GRIA2: variants seen among roughly 807,000 people sequenced by gnomAD.
GRIA2 encodes glutamate ionotropic receptor AMPA type subunit 2.
GRIA2 carries 14 observed loss-of-function variants against 97.3 expected under a neutral mutation model. That is an observed-to-expected ratio of 0.14 (90% CI 0.10 to 0.23). The LOEUF is 0.23. Ranked by LOEUF, GRIA2 falls within the 10% of genes least tolerant of loss-of-function variation. GRIA2 has a pLI of 1.00. For missense variants in GRIA2, 558 were observed against 1,069.8 expected (o/e 0.52, Z 6.67); for synonymous variants, 412 against 387.8 (o/e 1.06, Z -0.73).
intron 2 of GRIA2, among the ~76,000 whole-genome samples, chr4:157,232,253 C>T (rs1257337887): frequency 1.3e-5 from 2 of 152,172 alleles, no homozygotes; most frequent in Non-Finnish European, 2.9e-5. Flanking sequence ...ATAGCTCCCA[C>T]ATTTCTACAG....
At chr4:157,300,912 A>C (rs939118996) in intron 2 of GRIA2, among the ~76,000 whole-genome samples, 2 of 152,086 alleles carry the variant, frequency 1.3e-5, no homozygotes, top group African/African-American at 2.4e-5. Flanking sequence ...AATGAAAGGT[A>C]TGGCTCCTTA....
chr4:157,231,760 T>A (rs1306005222), intron 2 of GRIA2, among the ~76,000 whole-genome samples: 1 of 152,192 alleles, frequency 6.6e-6, no homozygotes. Context: ...GAGAAAAGTT[T>A]GTCTCTTGTT....
chr4:157,269,342 A>T (rs1274418010), intron 2 of GRIA2, among the ~76,000 whole-genome samples: 1 of 152,124 alleles, frequency 6.6e-6, no homozygotes, highest in African/African-American at 2.4e-5. Flanking sequence ...CATAGTTGTT[A>T]ATAAAGTCCT....
At chr4:157,319,665 C>T (rs539243263) in intron 5 of GRIA2, among the ~76,000 whole-genome samples, 1 of 152,276 alleles carries the variant, frequency 6.6e-6, no homozygotes, top group Non-Finnish European at 1.5e-5. Flanking sequence ...GGGCTTTCAT[C>T]TTCCAAACTC....
At chr4:157,255,941 T>C (rs1731221426) in intron 2 of GRIA2, among the ~76,000 whole-genome samples, 1 of 151,026 alleles carries the variant, frequency 6.6e-6, no homozygotes. Flanking sequence ...AAATGCAAAA[T>C]AAAACGTCAA....
intron 2 of GRIA2, among the ~76,000 whole-genome samples, chr4:157,269,266 A>G (rs1731909418): frequency 6.6e-6 from 1 of 152,052 alleles, no homozygotes; most frequent in South Asian, 2.1e-4. Context: ...TTCTTGGAGG[A>G]AAGAGAAAGA....
intron 4 of GRIA2, among the ~76,000 whole-genome samples, chr4:157,314,626 C>T (rs1031841482): frequency 1.3e-5 from 2 of 152,106 alleles, no homozygotes; most frequent in East Asian, 1.9e-4. Context: ...ATTCATGACT[C>T]ATCATAATAA....
At chr4:157,221,627 C>A in intron 1 of GRIA2, 40 bp from the exon 2 acceptor site, 1 of 1,604,970 alleles carries the variant, frequency 6.2e-7, no homozygotes, top group Non-Finnish European at 8.5e-7. Flanking sequence ...CCTCCCGGGG[C>A]ACTGACACTG....
intron 12 of GRIA2, among the ~76,000 whole-genome samples, chr4:157,350,806 T>A (rs192428696): frequency 6.6e-6 from 1 of 152,150 alleles, no homozygotes; most frequent in East Asian, 1.9e-4. Flanking sequence ...TGAAGTTTAC[T>A]GAAAACCTGG....
At chr4:157,322,219 G>C (rs917474259) in intron 6 of GRIA2, among the ~76,000 whole-genome samples, 1 of 147,526 alleles carries the variant, frequency 6.8e-6, no homozygotes, top group Admixed American at 7.0e-5. Flanking sequence ...GAGAAAGAGA[G>C]AGAGTGAGAA....
At chr4:157,258,362 G>A (rs1731374668) in intron 2 of GRIA2, among the ~76,000 whole-genome samples, 1 of 151,960 alleles carries the variant, frequency 6.6e-6, no homozygotes, top group African/African-American at 2.4e-5. Flanking sequence ...GCCACTCTGG[G>A]GACGTCTGTC....
intron 12 of GRIA2, among the ~76,000 whole-genome samples, chr4:157,355,614 T>A (rs1454523952): frequency 2.2e-5 from 3 of 139,224 alleles, no homozygotes; most frequent in Non-Finnish European, 4.6e-5. Context: ...TTATATATAT[T>A]TATTTATATA....
intron 13 of GRIA2, chr4:157,360,760 T>G (rs750850461): frequency 3.5e-6 from 2 of 564,120 alleles, no homozygotes; most frequent in South Asian, 3.1e-5. Context: ...GTGAGTACAT[T>G]GCTGTAGAAT....
chr4:157,364,347 A>G lies in GRIA2; in HGVS notation c.*916A>G, dbSNP rs1736782788. The stretch of plus-strand genomic sequence containing the variant: ...GTTTGGTCATAAATCAAGTGAGTTT[A>G]AAGACACTACCAAGTTGTTAGGTGC... On this transcript the variant is annotated 3_prime_UTR_variant, in exon 16 of 16. Transcript: ENST00000264426. 1 of 152,454 alleles carries G rather than the reference A, an allele frequency of 6.6e-6. No homozygotes were observed. Among genetic ancestry groups the G allele is most frequent in the Non-Finnish European group, 1.5e-5 (1 of 67,958 alleles). The allele number at this position is 152,454 out of a possible 1,614,324, so 9.4% of individuals were successfully genotyped here. A position where few individuals can be genotyped will look rare whatever the true frequency, so the allele number is the denominator to read the frequency against.
At chr4:157,336,347 T>C (rs762237684) in intron 10 of GRIA2, 30 bp from the exon 11 acceptor site, 2 of 1,499,088 alleles carry the variant, frequency 1.3e-6, no homozygotes, top group Non-Finnish European at 1.8e-6. Context: ...TGACTCCAGG[T>C]ACTATTACTT....
At chr4:157,278,292 C>T (rs1164201228) in intron 2 of GRIA2, among the ~76,000 whole-genome samples, 1 of 151,666 alleles carries the variant, frequency 6.6e-6, no homozygotes, top group South Asian at 2.1e-4. Flanking sequence ...ATTATTGGAA[C>T]AGAATAGAGA....
intron 9 of GRIA2, chr4:157,334,484 T>C (rs1418336677): frequency 5.8e-6 from 1 of 171,422 alleles, no homozygotes; most frequent in Admixed American, 5.8e-5. Flanking sequence ...CATGATTTCA[T>C]GATGATGTCA....
chr4:157,282,665 A>G (rs924299114), intron 2 of GRIA2, among the ~76,000 whole-genome samples: 2 of 152,164 alleles, frequency 1.3e-5, no homozygotes, highest in Non-Finnish European at 2.9e-5. Flanking sequence ...TGGTAGTACT[A>G]ATTTTGTTTC....
At chr4:157,230,606 C>T (rs1299656428) in intron 2 of GRIA2, among the ~76,000 whole-genome samples, 1 of 149,138 alleles carries the variant, frequency 6.7e-6, no homozygotes. Flanking sequence ...TTCTTCCTTC[C>T]CTCCATCCAT....
Sources: allele counts gnomAD v4.1 joint callset (sites outside exome capture counted in the v4.1 genomes callset), GRCh38; gene constraint gnomAD v4.1.1; transcripts MANE v1.5; gene names NCBI Gene and HGNC (gene_info 2026-07-23, HGNC 2026-07-21).